The following CCSER2 variants were observed in gnomAD, a reference collection of about 807,000 sequenced individuals.
The protein encoded by CCSER2 is coiled-coil serine rich protein 2, also known as serine-rich coiled-coil domain-containing protein 2.
A neutral mutation model predicts 92.3 loss-of-function variants in CCSER2; 46 were observed. That is an observed-to-expected ratio of 0.50 (90% CI 0.39 to 0.64). The LOEUF (loss-of-function observed/expected upper bound fraction) is 0.64, where lower values mean the gene tolerates loss of function less well. Ranked by LOEUF, CCSER2 falls within the 30% of genes least tolerant of loss-of-function variation. The pLI, the probability that CCSER2 is intolerant of heterozygous loss-of-function variation, is 0.00. For missense variants in CCSER2, 1,244 were observed against 1,238.9 expected (o/e 1.00, Z -0.06); for synonymous variants, 433 against 431.4 (o/e 1.00, Z -0.04).
chr10:84,451,649 T>C (rs1438694964), intron 6 of CCSER2, among the ~76,000 whole-genome samples: 1 of 152,226 alleles, frequency 6.6e-6, no homozygotes, highest in African/African-American at 2.4e-5. Flanking sequence ...GGTTCAGATA[T>C]GTACAGACGT....
chr10:84,385,971 CAT>C (rs567538183), intron 3 of CCSER2, among the ~76,000 whole-genome samples: 75 of 151,848 alleles, frequency 4.9e-4, no homozygotes, highest in African/African-American at 1.7e-3. Context: ...AGCCAACAAA[CAT>C]AAAAAAAACT....
chr10:84,379,685 A>G (rs1229856732), intron 3 of CCSER2, among the ~76,000 whole-genome samples: 1 of 152,162 alleles, frequency 6.6e-6, no homozygotes, highest in Non-Finnish European at 1.5e-5. Flanking sequence ...TAATGCATTT[A>G]TATATCCATG....
At position 84,513,671 on chromosome 10, in the gene CCSER2, G is replaced by T; in HGVS notation, c.2548G>T (p.Asp850Tyr). 3 of 1,559,622 alleles carry T rather than the reference G, an allele frequency of 1.9e-6. No individual in the cohort carries two copies. The highest frequency in any genetic ancestry group is 2.6e-6 in the Non-Finnish European group (3 of 1,155,842). Residue 850 changes from aspartate (D) to tyrosine (Y), a missense_variant, in exon 10 of 10, where the codon GAT becomes TAT. Physicochemically the swap from Asp to Tyr is radical, Grantham distance 160. Coordinates refer to ENST00000372088, the MANE Select transcript of CCSER2 (RefSeq NM_001284240.2). Reference sequence around the variant, plus strand: ...TTCATCAGGCCCACAATTAACAATGGATGTGGCTAAGAGTACACCTTCTGA... The same window carrying T: ...TTCATCAGGCCCACAATTAACAATGTATGTGGCTAAGAGTACACCTTCTGA... ...PFSSGPQLTM[D>Y]VAKSTPSEAN...
chr10:84,483,780 T>C (rs1032733569), intron 9 of CCSER2, among the ~76,000 whole-genome samples: 8 of 149,342 alleles, frequency 5.4e-5, no homozygotes, highest in African/African-American at 1.7e-4. Context: ...ATGTCAATTT[T>C]TTTTCTTTTC....
At chr10:84,396,331 A>G (rs917047288) in intron 3 of CCSER2, among the ~76,000 whole-genome samples, 29 of 150,900 alleles carry the variant, frequency 1.9e-4, no homozygotes, top group Non-Finnish European at 4.4e-5. Flanking sequence ...CAGTTTCAGA[A>G]TTGCTAACTT....
intron 9 of CCSER2, among the ~76,000 whole-genome samples, chr10:84,510,249 C>T (rs1330095265): frequency 6.6e-6 from 1 of 152,158 alleles, no homozygotes; most frequent in Non-Finnish European, 1.5e-5. Flanking sequence ...ACAGAATATT[C>T]TTCCCTTCTT....
chr10:84,425,044 T>G, intron 4 of CCSER2: 1 of 975,876 alleles, frequency 1.0e-6, no homozygotes. Flanking sequence ...GGAAAAAGTA[T>G]TTGGGTAAGT....
At chr10:84,377,091 C>A (rs949734492) in intron 3 of CCSER2, among the ~76,000 whole-genome samples, 4 of 151,890 alleles carry the variant, frequency 2.6e-5, no homozygotes, top group Non-Finnish European at 5.9e-5. Flanking sequence ...TGTTTGTATT[C>A]ATGTGTATAT....
chr10:84,371,354 C>G lies in CCSER2; in HGVS notation c.302C>G (p.Thr101Ser), dbSNP rs748695861. ...ATTGATCCTGAAAAACGTGTTCCTA[C>G]TCAAGGAATGTTTGATAAAAATGGG... is the stretch of plus-strand genomic sequence containing the variant. ...KIIDPEKRVPTQGMFDKNGIK... is the reference protein window; with the variant it reads ...KIIDPEKRVPSQGMFDKNGIK... Residue 101 changes from threonine to serine, a missense_variant, in exon 2 of 10, where the codon ACT becomes AGT. Transcript: ENST00000372088. 1 of 1,613,636 alleles carries G rather than the reference C, an allele frequency of 6.2e-7. No individual in the cohort carries two copies. The highest frequency in any genetic ancestry group is 1.7e-5 in the Admixed American group (1 of 59,910).
At chr10:84,354,017 G>C (rs1845015907) in intron 1 of CCSER2, among the ~76,000 whole-genome samples, 1 of 151,890 alleles carries the variant, frequency 6.6e-6, no homozygotes, top group Non-Finnish European at 1.5e-5. Context: ...GGACAATGTG[G>C]CGGAAACCCA....
intron 1 of CCSER2, among the ~76,000 whole-genome samples, chr10:84,349,336 C>T (rs2133060524): frequency 6.6e-6 from 1 of 152,242 alleles, no homozygotes; most frequent in South Asian, 2.1e-4. Context: ...GAGTTTAACC[C>T]ATCACTGAGT....
intron 9 of CCSER2, among the ~76,000 whole-genome samples, chr10:84,511,728 T>C (rs1564737761): frequency 6.6e-6 from 1 of 152,194 alleles, no homozygotes; most frequent in African/African-American, 2.4e-5. Flanking sequence ...GCTCTATTTT[T>C]TCACTAATCT....
chr10:84,470,525 T>A (rs1256049334), intron 8 of CCSER2, 67 bp downstream of exon 8: 2 of 1,275,426 alleles, frequency 1.6e-6, no homozygotes, highest in South Asian at 3.6e-5. Flanking sequence ...CATAAAACTC[T>A]GAGCCAGAAG....
At chr10:84,390,715 T>C (rs988057526) in intron 3 of CCSER2, among the ~76,000 whole-genome samples, 2 of 152,182 alleles carry the variant, frequency 1.3e-5, no homozygotes, top group Admixed American at 6.6e-5. Context: ...TGTAACCCAC[T>C]TCACTTCTGC....
chr10:84,501,832 A>ATATATATAT (rs1447622843), intron 9 of CCSER2, among the ~76,000 whole-genome samples: 1 of 31,032 alleles, frequency 3.2e-5, no homozygotes, highest in South Asian at 1.2e-3. Context: ...GAAAAAAAAA[A>ATATATATAT]AAATATATAT....
At chr10:84,373,050 A>G (rs1186663742) in intron 2 of CCSER2, among the ~76,000 whole-genome samples, 1 of 152,116 alleles carries the variant, frequency 6.6e-6, no homozygotes, top group Non-Finnish European at 1.5e-5. Flanking sequence ...TAAATGCTGG[A>G]TAAAATGTAT....
rs181982152 is a variant in CCSER2, at chr10:84,432,675, G to T, written c.1869-5837G>T. Among the ~76,000 whole-genome samples the T allele has an allele frequency of 2.9e-3, 435 of 152,144 alleles. 2 individuals carry two copies. The highest frequency in any genetic ancestry group is 0.01 in the Middle Eastern group (3 of 294). ...TGCAAATAATTTTTTCCAGTCGGTGGCTTATTCTCTTGATAGTACTTTTTG... is the reference window on the plus strand; with the variant it reads ...TGCAAATAATTTTTTCCAGTCGGTGTCTTATTCTCTTGATAGTACTTTTTG... On this transcript the variant is annotated intron_variant, in intron 5 of 9. Coordinates refer to ENST00000372088, the MANE Select transcript of CCSER2 (RefSeq NM_001284240.2).
At chr10:84,393,399 T>C (rs1379895421) in intron 3 of CCSER2, among the ~76,000 whole-genome samples, 1 of 152,210 alleles carries the variant, frequency 6.6e-6, no homozygotes, top group Non-Finnish European at 1.5e-5. Flanking sequence ...AAGACAATTG[T>C]AGAAGTTGAA....
At chr10:84,430,146 C>T (rs1261863838) in intron 5 of CCSER2, among the ~76,000 whole-genome samples, 1 of 151,980 alleles carries the variant, frequency 6.6e-6, no homozygotes, top group Non-Finnish European at 1.5e-5. Flanking sequence ...CCTGCAGTCC[C>T]TGTAAGTAGT....
Sources: gnomAD v4.1 joint callset for allele counts (sites outside exome capture counted in the v4.1 genomes callset) on GRCh38, gnomAD v4.1.1 for gene constraint, MANE v1.5 for transcripts, NCBI Gene and HGNC (gene_info 2026-07-23, HGNC 2026-07-21) for gene names.